NIN: variants seen among roughly 807,000 people sequenced by gnomAD.
The protein encoded by NIN is ninein.
In NIN, 137 loss-of-function variants were observed where a neutral mutation model predicts 257.6. The observed-to-expected ratio is 0.53, with a 90% CI of 0.46 to 0.61. NIN has a LOEUF of 0.61. Ranked by LOEUF, NIN falls within the 20% of genes least tolerant of loss-of-function variation. The pLI, the probability that NIN is intolerant of heterozygous loss-of-function variation, is 0.00. For missense variants in NIN, 2,439 were observed against 2,501.2 expected, an observed-to-expected ratio of 0.98 and a Z score of 0.53; for synonymous variants, 918 against 919.8, an observed-to-expected ratio of 1.00 and a Z score of 0.04.
Position 50,763,926 on chromosome 14 carries a change from C to T in NIN, c.1674G>A (p.Leu558=). The T allele has an allele frequency of 6.2e-7, 1 of 1,614,082 alleles. No homozygotes were observed. Among genetic ancestry groups the T allele is most frequent in the Non-Finnish European group, 8.5e-7 (1 of 1,179,974 alleles). Reference sequence around the variant, plus strand: ...CTCTGCCTTGTGCACGATATTCTTCCAGCTCAGACTGGAGTTCATCTACTT... The same window carrying T: ...CTCTGCCTTGTGCACGATATTCTTCTAGCTCAGACTGGAGTTCATCTACTT... The part of the protein sequence containing the change: ...QDQVDELQSE[L]EEYRAQGRVL... The change falls in exon 15 of 31, where the codon CTG becomes CTA. Residue 558 remains leucine (L), a synonymous_variant. Transcript: ENST00000530997.
rs765284189 is a variant in NIN, at chr14:50,757,710, CAAG to C, written c.3317_3319del (p.Ser1106del). The C allele has an allele frequency of 3.3e-5, 53 of 1,614,190 alleles. No individual in the cohort carries two copies. The Middle Eastern group carries it at 1.2e-3, about 35-fold the overall frequency. Reference sequence around the variant, plus strand: ...AAACTCAGTAGCTGGCTCATCCAAACAAGAAGACATTACTAACCCTGGCTCTAA... The same window carrying C: ...AAACTCAGTAGCTGGCTCATCCAAACAAGACATTACTAACCCTGGCTCTAA... On this transcript the variant is annotated inframe_deletion, in exon 18 of 31. Transcript: ENST00000530997.
Position 50,763,822 on chromosome 14 carries a change from T to C in NIN, c.1774+4A>G. On this transcript the variant is annotated splice_donor_region_variant and intron_variant, in intron 15 of 30. Coordinates refer to ENST00000530997, the MANE Select transcript of NIN (RefSeq NM_020921.4). ...TTATCTACAGCCTGTCCGAATGTGT[T>C]TACCGTGTTCGGGCTCAATGCCACC... The C allele has an allele frequency of 6.2e-7, 1 of 1,614,010 alleles. No individual in the cohort carries two copies. The highest frequency in any genetic ancestry group is 8.5e-7 in the Non-Finnish European group (1 of 1,179,876).
At chr14:50,793,994 T>A (rs142496371) in intron 4 of NIN, among the ~76,000 whole-genome samples, 77 of 152,358 alleles carry the variant, frequency 5.1e-4, no homozygotes, top group African/African-American at 1.7e-3. Flanking sequence ...CTTAGCAAGG[T>A]ATGTCTGAAC....
chr14:50,766,002 C>CCCCCA (rs1447562196), intron 14 of NIN, among the ~76,000 whole-genome samples: 1 of 122,228 alleles, frequency 8.2e-6, no homozygotes, highest in East Asian at 2.9e-4. Flanking sequence ...CTCTCCCCTC[C>CCCCCA]CCCCACCCCA....
intron 18 of NIN, among the ~76,000 whole-genome samples, chr14:50,755,671 T>A (rs1204987138): frequency 1.3e-4 from 11 of 84,956 alleles, no homozygotes; most frequent in Non-Finnish European, 2.5e-4. Context: ...TTTTTTTTTT[T>A]TTTTTTTAAA....
intron 30 of NIN, among the ~76,000 whole-genome samples, chr14:50,725,223 G>A (rs182527200): frequency 1.3e-5 from 2 of 152,144 alleles, no homozygotes; most frequent in East Asian, 1.9e-4. Flanking sequence ...AAAGAACTAG[G>A]TTGGGCATTT....
intron 9 of NIN, 85 bp from the exon 10 acceptor site, chr14:50,771,553 T>G: frequency 1.4e-6 from 2 of 1,417,782 alleles, no homozygotes; most frequent in Non-Finnish European, 1.9e-6. Context: ...CTATACAAAC[T>G]CTGAGAGCTG....
intron 3 of NIN, among the ~76,000 whole-genome samples, chr14:50,817,748 G>A (rs558503816): frequency 6.6e-6 from 1 of 152,052 alleles, no homozygotes; most frequent in African/African-American, 2.4e-5. Flanking sequence ...ACGGAATCTC[G>A]CTCTGTCGCC....
At position 50,758,031 on chromosome 14, in the gene NIN, G is replaced by A. The variant is rs1237720956; in HGVS notation, c.2999C>T (p.Thr1000Ile). ...CATCTCGGCTCTTTCTCGATCTGCT[G>A]TCTCACAGGTCGCTTTGTGAATGTT... The part of the protein sequence containing the change: ...MENIHKATCE[T>I]ADRERAEMST... The change falls in exon 18 of 31, where the codon ACA becomes ATA. Residue 1000 changes from threonine to isoleucine, a missense_variant. Transcript: ENST00000530997. 1 of 1,614,096 alleles carries A rather than the reference G, an allele frequency of 6.2e-7. No homozygotes were observed. Among genetic ancestry groups the A allele is most frequent in the Non-Finnish European group, 8.5e-7 (1 of 1,180,044 alleles).
intron 29 of NIN, among the ~76,000 whole-genome samples, chr14:50,729,176 C>T (rs2040562425): frequency 6.6e-6 from 1 of 151,702 alleles, no homozygotes; most frequent in South Asian, 2.1e-4. Flanking sequence ...GCTGAGAGCT[C>T]AAAAGTAGCA....
rs375436401 is a variant in NIN at position 50,733,057 on chromosome 14, C to CAA, written c.5877+2457_5877+2458dup. Among the ~76,000 whole-genome samples the CAA allele has an allele frequency of 5.6e-3, 845 of 150,024 alleles. 10 individuals are homozygous for CAA. The highest frequency in any genetic ancestry group is 0.019 in the African/African-American group (792 of 40,834). ...AACTCTAGCCTGGGTGACAGAATCT[C>CAA]AAAAAAAATATCCAATTTGTGTAAA... On this transcript the variant is annotated intron_variant, in intron 28 of 30. Coordinates refer to ENST00000530997, the MANE Select transcript of NIN (RefSeq NM_020921.4).
chr14:50,756,298 C>A (rs1480287609), intron 18 of NIN, among the ~76,000 whole-genome samples, 194 bp downstream of exon 18: 1 of 152,288 alleles, frequency 6.6e-6, no homozygotes, highest in East Asian at 1.9e-4. Context: ...TTGTTTGCTA[C>A]AGCGGAAGGG....
intron 4 of NIN, among the ~76,000 whole-genome samples, chr14:50,797,743 C>T (rs2043904871): frequency 6.6e-6 from 1 of 151,852 alleles, no homozygotes; most frequent in Non-Finnish European, 1.5e-5. Flanking sequence ...AGACAGAGAC[C>T]AGTGGAAACT....
intron 4 of NIN, among the ~76,000 whole-genome samples, chr14:50,795,936 G>A (rs1443959773): frequency 6.6e-6 from 1 of 152,140 alleles, no homozygotes; most frequent in African/African-American, 2.4e-5. Flanking sequence ...CCGAGACTGC[G>A]CCACTGCACT....
intron 29 of NIN, among the ~76,000 whole-genome samples, chr14:50,726,849 G>A (rs933821448): frequency 7.2e-5 from 11 of 152,110 alleles, no homozygotes; most frequent in Non-Finnish European, 1.3e-4. Flanking sequence ...TTTCATAAAG[G>A]TATTAACAGC....
intron 28 of NIN, 39 bp downstream of exon 28, chr14:50,735,477 A>T: frequency 6.2e-7 from 1 of 1,604,260 alleles, no homozygotes; most frequent in Non-Finnish European, 8.5e-7. Context: ...ATGGATTAAC[A>T]TATTCTTCAT....
rs547154388 is a variant in NIN, at chr14:50,727,982, G to A, written c.6078+1541C>T. ...TTAAAATTAGTGTCAGCTCAGCAGC[G>A]GGAAATGGGAGAGCCTGCAGTAGCA... On this transcript the variant is annotated intron_variant, in intron 29 of 30. Coordinates refer to ENST00000530997, the MANE Select transcript of NIN (RefSeq NM_020921.4). 4.6e-5 allele frequency among the ~76,000 whole-genome samples: 7 copies of A among 152,280 alleles called. No homozygotes were observed. In the South Asian group the frequency reaches 6.2e-4, roughly 14 times the overall value.
At position 50,754,804 on chromosome 14, in the gene NIN, A is replaced by C. The variant is rs1389632815; in HGVS notation, c.4602T>G (p.Asn1534Lys). The change falls in exon 19 of 31, where the codon AAT becomes AAG. Residue 1534 changes from asparagine (N) to lysine (K), a missense_variant. This residue lies in a region of NIN where 2,043 missense variants were observed against 2,050.2 expected (regional missense o/e 1.00). Transcript: ENST00000530997. Reference protein sequence around the residue: ...SILRNEITTLNEEDSISNLKL... With the variant: ...SILRNEITTLKEEDSISNLKL... ...TCAGGTTAGAAATGCTATCTTCTTC[A>C]TTTAAAGTAGTAATTTCATTTCTCA... The C allele has an allele frequency of 6.3e-7, 1 of 1,580,774 alleles. No homozygotes were observed. The highest frequency in any genetic ancestry group is 8.6e-7 in the Non-Finnish European group (1 of 1,161,314).
rs1014486845 is a variant in NIN, at chr14:50,743,622, G to C, written c.5188-93C>G. 8.3e-5 allele frequency: 60 copies of C among 722,566 alleles called. No homozygotes were observed. In the South Asian group the frequency reaches 9.1e-4, roughly 11 times the overall value. The allele number at this position is 722,566 out of a possible 1,614,324, so 44.8% of individuals were successfully genotyped here. The stretch of plus-strand genomic sequence containing the variant: ...CCTGCACTTACATTGTCAAGAACAA[G>C]TACCATCTATTTATGTAGGGGAGCA... On this transcript the variant is annotated intron_variant, in intron 23 of 30. Coordinates refer to ENST00000530997, the MANE Select transcript of NIN (RefSeq NM_020921.4).
Sources: gnomAD v4.1 joint callset for allele counts (sites outside exome capture counted in the v4.1 genomes callset) on GRCh38, gnomAD v4.1.1 for gene constraint, gnomAD v4.1.1 regional missense constraint, MANE v1.5 for transcripts, NCBI Gene and HGNC (gene_info 2026-07-23, HGNC 2026-07-21) for gene names.